Variants in PLEKHA6 observed in about 807,000 individuals in gnomAD.
The protein encoded by PLEKHA6 is pleckstrin homology domain-containing family A member 6.
PLEKHA6 carries 60 observed loss-of-function variants against 116.7 expected under a neutral mutation model. The observed-to-expected ratio is 0.51, with a 90% confidence interval of 0.42 to 0.64. The LOEUF (loss-of-function observed/expected upper bound fraction) is 0.64. Among genes scored for constraint, PLEKHA6 ranks in the 30% least tolerant of loss-of-function variants. The probability of loss-of-function intolerance (pLI) is 0.00; values close to 1 mark genes in which losing one functional copy is unlikely to be tolerated. For synonymous variants in PLEKHA6, 489 were observed against 556.1 expected (o/e 0.88, Z 1.70); for missense variants, 1,338 against 1,422.7 (o/e 0.94, Z 0.96).
At chr1:204,272,960 C>T (rs1667622969) in intron 3 of PLEKHA6, among the ~76,000 whole-genome samples, 1 of 152,176 alleles carries the variant, frequency 6.6e-6, no homozygotes, top group African/African-American at 2.4e-5. Context: ...TACATCTCCT[C>T]TCCCATCCCC....
intron 5 of PLEKHA6, among the ~76,000 whole-genome samples, chr1:204,265,401 G>T (rs572466166): frequency 6.6e-6 from 1 of 152,312 alleles, no homozygotes; most frequent in Non-Finnish European, 1.5e-5. Context: ...TGCCTTCATG[G>T]ATTTAATCCT....
intron 12 of PLEKHA6, among the ~76,000 whole-genome samples, chr1:204,248,315 C>T (rs533402507): frequency 3.0e-4 from 46 of 152,174 alleles, no homozygotes; most frequent in Middle Eastern, 3.4e-3. Flanking sequence ...CCACCACAAC[C>T]GGCTAATTTT....
At chr1:204,350,909 G>A (rs777561583) in intron 1 of PLEKHA6, among the ~76,000 whole-genome samples, 2 of 152,214 alleles carry the variant, frequency 1.3e-5, no homozygotes, top group Non-Finnish European at 1.5e-5. Context: ...CCAGTCCCAC[G>A]AGGGAGAGAG....
intron 1 of PLEKHA6, among the ~76,000 whole-genome samples, chr1:204,331,806 G>A (rs1440370033): frequency 2.6e-5 from 4 of 152,042 alleles, no homozygotes; most frequent in Admixed American, 6.6e-5. Flanking sequence ...CTGAGTCAAC[G>A]GTCAGCCGGC....
At chr1:204,232,898 A>G (rs1661396034) in intron 17 of PLEKHA6, among the ~76,000 whole-genome samples, 1 of 152,162 alleles carries the variant, frequency 6.6e-6, no homozygotes, top group Non-Finnish European at 1.5e-5. Flanking sequence ...TGGAATGGTG[A>G]CCCCTTTGTT....
chr1:204,233,181 C>A (rs894626943), intron 17 of PLEKHA6, among the ~76,000 whole-genome samples: 6 of 120,594 alleles, frequency 5.0e-5, no homozygotes, highest in African/African-American at 1.8e-4. Flanking sequence ...CTTTTTTTTT[C>A]TTTTTCTTTT....
chr1:204,259,479 A>C lies in PLEKHA6; in HGVS notation c.786T>G (p.Gly262=). The change falls in exon 8 of 23, where the codon GGT becomes GGG. Residue 262 remains glycine, a synonymous_variant. Transcript: ENST00000272203. The surrounding 1 kb of genome is among the most constrained non-coding windows in gnomAD (Gnocchi z 4.6). ...PYPEGPRVPG[G]GEQPAQPNGW... The stretch of plus-strand genomic sequence containing the variant: ...CATTGGGCTGGGCAGGCTGTTCCCC[A>C]CCCCCTGGCACTCTTGGGCCCTCGG... The C allele has an allele frequency of 1.9e-6, 3 of 1,613,784 alleles. No homozygotes were observed. The highest frequency in any genetic ancestry group is 2.5e-6 in the Non-Finnish European group (3 of 1,179,908).
Position 204,223,551 on chromosome 1 carries a change from A to G in PLEKHA6, c.3066T>C (p.Pro1022=). The G allele has an allele frequency of 8.9e-7, 1 of 1,126,282 alleles. No homozygotes were observed. The highest frequency in any genetic ancestry group is 1.2e-6 in the Non-Finnish European group (1 of 857,476). The allele number at this position is 1,126,282 out of a possible 1,614,324, so 69.8% of individuals were successfully genotyped here. A position where few individuals can be genotyped will look rare whatever the true frequency, so the allele number is the denominator to read the frequency against. The change falls in exon 22 of 23, where the codon CCT becomes CCC. Residue 1022 remains proline, a synonymous_variant. Coordinates refer to ENST00000272203, the MANE Select transcript of PLEKHA6 (RefSeq NM_014935.5). This position sits in a 1 kb window ranked among gnomAD's most constrained non-coding sequence, Gnocchi z 4.8. The part of the protein sequence containing the change: ...QCATPSPPTS[P]ASPAPPANPL... ...GGTTTGCTGGAGGAGCCGGGGAAGC[A>G]GGGGAGGTGGGAGGGCTTGGGGTGG...
At chr1:204,252,649 C>T (rs762456130) in intron 9 of PLEKHA6, among the ~76,000 whole-genome samples, 12 of 152,164 alleles carry the variant, frequency 7.9e-5, no homozygotes, top group Non-Finnish European at 1.8e-4. Context: ...TTTCCGTCAT[C>T]TCTCCAATCT....
chr1:204,305,455 A>G (rs1020859573), intron 1 of PLEKHA6, among the ~76,000 whole-genome samples: 1 of 152,136 alleles, frequency 6.6e-6, no homozygotes, highest in Non-Finnish European at 1.5e-5. Context: ...CATCTTCCCT[A>G]CAGGATTGCA....
At chr1:204,286,503 G>A (rs1400177886) in intron 1 of PLEKHA6, among the ~76,000 whole-genome samples, 1 of 152,178 alleles carries the variant, frequency 6.6e-6, no homozygotes, top group Admixed American at 6.5e-5. Flanking sequence ...TGACACCTGA[G>A]TAACAGGTGA....
At chr1:204,294,494 T>C (rs1466789103) in intron 1 of PLEKHA6, among the ~76,000 whole-genome samples, 1 of 152,234 alleles carries the variant, frequency 6.6e-6, no homozygotes, top group East Asian at 1.9e-4. Context: ...GTGAGAGAAC[T>C]GGGATTAGAG....
intron 1 of PLEKHA6, among the ~76,000 whole-genome samples, chr1:204,293,862 A>G (rs770020312): frequency 1.3e-5 from 2 of 152,214 alleles, no homozygotes. Flanking sequence ...ACTTCAATGC[A>G]TGAACATGGA....
At chr1:204,298,470 G>A (rs989378193) in intron 1 of PLEKHA6, among the ~76,000 whole-genome samples, 2 of 152,140 alleles carry the variant, frequency 1.3e-5, no homozygotes, top group Admixed American at 6.5e-5. Context: ...TCCAGGTTCC[G>A]GGTCTTTTCT....
Position 204,221,247 on chromosome 1 carries a change from C to T in PLEKHA6, c.*1541G>A, listed in dbSNP as rs1419488311. On this transcript the variant is annotated 3_prime_UTR_variant, in exon 23 of 23. Coordinates refer to ENST00000272203, the MANE Select transcript of PLEKHA6 (RefSeq NM_014935.5). ...TTGAGTAAATTGTCATCTTTACTTG[C>T]ATATGAACCAGTAACTGTCCCAGCC... 6.6e-6 allele frequency: 1 copy of T among 152,628 alleles called. No homozygotes were observed. Among genetic ancestry groups the T allele is most frequent in the Non-Finnish European group, 1.5e-5 (1 of 68,056 alleles). The allele number at this position is 152,628 out of a possible 1,614,324, so 9.5% of individuals were successfully genotyped here.
At chr1:204,309,208 G>T (rs551680638) in intron 1 of PLEKHA6, 10 of 206,768 alleles carry the variant, frequency 4.8e-5, no homozygotes, top group South Asian at 1.7e-4. Context: ...GGTCTCCCCC[G>T]CATCTCAACC....
rs1035682293 is a variant in PLEKHA6, at chr1:204,223,338, G to A, written c.*8+124C>T. On this transcript the variant is annotated intron_variant, in intron 22 of 22. Coordinates refer to ENST00000272203, the MANE Select transcript of PLEKHA6 (RefSeq NM_014935.5). The surrounding 1 kb of genome is among the most constrained non-coding windows in gnomAD (Gnocchi z 4.8). ...ATGAATGGATGGATAGTGGGGAGGA[G>A]CAGCACAGGGCACTGGGGTAGGGGA... 8.8e-6 allele frequency: 6 copies of A among 679,884 alleles called. No individual in the cohort carries two copies. The highest frequency in any genetic ancestry group is 1.4e-5 in the Non-Finnish European group (5 of 366,346). The allele number at this position is 679,884 out of a possible 1,614,324, so 42.1% of individuals were successfully genotyped here.
chr1:204,311,849 C>T (rs1045344940), intron 1 of PLEKHA6: 1 of 170,768 alleles, frequency 5.9e-6, no homozygotes, highest in African/African-American at 2.4e-5. Context: ...AATCCTTAAA[C>T]TCAGAAAATG....
chr1:204,251,536 T>G, intron 9 of PLEKHA6: 3 of 702,852 alleles, frequency 4.3e-6, no homozygotes, highest in Non-Finnish European at 7.8e-6. Context: ...CTTACTTGCA[T>G]GAAGAGTTGG....
Sources: gnomAD v4.1 joint callset for allele counts (sites outside exome capture counted in the v4.1 genomes callset) on GRCh38, gnomAD v4.1.1 for gene constraint, Gnocchi (gnomAD v3.1) non-coding constraint, MANE v1.5 for transcripts, NCBI Gene and HGNC (gene_info 2026-07-23, HGNC 2026-07-21) for gene names.